Variants in TAF3 observed in about 807,000 individuals in gnomAD.
TAF3 encodes the protein TATA-box binding protein associated factor 3.
A neutral mutation model predicts 80.6 loss-of-function variants in TAF3; 7 were observed. That is an observed-to-expected ratio of 0.09 (90% CI 0.05 to 0.16). The LOEUF is 0.16. Ranked by LOEUF, TAF3 falls within the 10% of genes least tolerant of loss-of-function variation. The pLI is 1.00. For synonymous variants in TAF3, 444 were observed against 446.1 expected (o/e 1.00, Z 0.06); for missense variants, 921 against 1,140.2 (o/e 0.81, Z 2.77).
intron 2 of TAF3, among the ~76,000 whole-genome samples, chr10:7,915,223 G>C (rs1319417423): frequency 6.6e-6 from 1 of 151,296 alleles, no homozygotes; most frequent in Non-Finnish European, 1.5e-5. Flanking sequence ...TACGGGCAGG[G>C]CATGAGCCAC....
At chr10:7,857,009 C>A (rs1245894767) in intron 2 of TAF3, among the ~76,000 whole-genome samples, 3 of 152,130 alleles carry the variant, frequency 2.0e-5, no homozygotes, top group Non-Finnish European at 4.4e-5. Flanking sequence ...TCAGAGAATG[C>A]TTTTGTTAAT....
chr10:7,913,780 C>T (rs1588549839), intron 2 of TAF3, among the ~76,000 whole-genome samples: 1 of 152,162 alleles, frequency 6.6e-6, no homozygotes, highest in African/African-American at 2.4e-5. Context: ...AGGTATACTG[C>T]GTCACCTATA....
At chr10:7,839,449 C>T (rs1198686743) in intron 2 of TAF3, among the ~76,000 whole-genome samples, 2 of 152,112 alleles carry the variant, frequency 1.3e-5, no homozygotes, top group African/African-American at 2.4e-5. Flanking sequence ...GACTCCTGTT[C>T]TTAGGGAAAG....
At chr10:7,875,993 CTT>C (rs1390825257) in intron 2 of TAF3, among the ~76,000 whole-genome samples, 3 of 151,344 alleles carry the variant, frequency 2.0e-5, no homozygotes, top group African/African-American at 7.3e-5. Flanking sequence ...TTATTTTTCT[CTT>C]TAAGTTTTTT....
Position 7,965,033 on chromosome 10 carries a change from T to C in TAF3, c.1523T>C (p.Val508Ala). Residue 508 changes from valine (V) to alanine (A), a missense_variant, in exon 3 of 7, where the codon GTG becomes GCG. Val to Ala is a moderately conservative substitution (Grantham distance 64). Coordinates refer to ENST00000344293, the MANE Select transcript of TAF3 (RefSeq NM_031923.4). ...CCCACTCCCGAACCTCTCCACAAGGTGTATGAGGAGAAAACCAAGCTGCCT... is the reference window on the plus strand; with the variant it reads ...CCCACTCCCGAACCTCTCCACAAGGCGTATGAGGAGAAAACCAAGCTGCCT... ...SPPTPEPLHK[V>A]YEEKTKLPSS... The C allele has an allele frequency of 1.9e-6, 3 of 1,613,782 alleles. No individual in the cohort carries two copies. The highest frequency in any genetic ancestry group is 2.5e-6 in the Non-Finnish European group (3 of 1,179,996).
chr10:7,936,871 ATTT>A (rs999915257), intron 2 of TAF3, among the ~76,000 whole-genome samples: 1 of 147,752 alleles, frequency 6.8e-6, no homozygotes, highest in Non-Finnish European at 1.5e-5. Context: ...GCATCCATTG[ATTT>A]TTTTTTTTGG....
intron 2 of TAF3, among the ~76,000 whole-genome samples, chr10:7,844,886 A>G (rs1427282147): frequency 6.6e-6 from 1 of 152,118 alleles, no homozygotes; most frequent in Non-Finnish European, 1.5e-5. Flanking sequence ...TTAGTTACTT[A>G]GCCAATCGCT....
chr10:7,991,789 C>T (rs2131428755), intron 4 of TAF3, among the ~76,000 whole-genome samples: 1 of 152,150 alleles, frequency 6.6e-6, no homozygotes, highest in East Asian at 1.9e-4. Context: ...GACCTAGCAG[C>T]TTTTTTGAAT....
chr10:7,995,672 G>A (rs1013264137), intron 4 of TAF3, among the ~76,000 whole-genome samples: 1 of 152,110 alleles, frequency 6.6e-6, no homozygotes, highest in Non-Finnish European at 1.5e-5. Flanking sequence ...TTTCAAATAG[G>A]TCATGCCTGC....
chr10:7,941,239 C>CA (rs1392835154), intron 2 of TAF3, among the ~76,000 whole-genome samples: 1 of 152,180 alleles, frequency 6.6e-6, no homozygotes, highest in Non-Finnish European at 1.5e-5. Flanking sequence ...AATTTGCTGA[C>CA]AGGTAGAATG....
chr10:7,872,626 C>G (rs1837278201), intron 2 of TAF3, among the ~76,000 whole-genome samples: 1 of 152,100 alleles, frequency 6.6e-6, no homozygotes, highest in African/African-American at 2.4e-5. Context: ...TTCAGGTGCC[C>G]TGAATAATAA....
At chr10:7,963,093 A>G (rs1831526544) in intron 2 of TAF3, among the ~76,000 whole-genome samples, 1 of 152,170 alleles carries the variant, frequency 6.6e-6, no homozygotes, top group South Asian at 2.1e-4. Context: ...AACCAAGTGT[A>G]TTTCATTGCA....
intron 2 of TAF3, among the ~76,000 whole-genome samples, chr10:7,880,966 T>A (rs1430110240): frequency 2.0e-5 from 3 of 152,192 alleles, no homozygotes; most frequent in Non-Finnish European, 4.4e-5. Context: ...CCAAGCATGG[T>A]GGCTCATGCC....
intron 2 of TAF3, among the ~76,000 whole-genome samples, chr10:7,845,966 T>G (rs1019586990): frequency 2.5e-4 from 37 of 150,518 alleles, no homozygotes; most frequent in South Asian, 6.3e-4. Flanking sequence ...TTTGTTTTTT[T>G]TTTTTTTTTT....
At chr10:7,954,007 T>TA (rs1269335618) in intron 2 of TAF3, among the ~76,000 whole-genome samples, 1 of 141,960 alleles carries the variant, frequency 7.0e-6, no homozygotes, top group Non-Finnish European at 1.5e-5. Context: ...TAGTCCTAGT[T>TA]AACACAGAGC....
chr10:7,875,511 T>C (rs564072233), intron 2 of TAF3, among the ~76,000 whole-genome samples: 2 of 152,296 alleles, frequency 1.3e-5, no homozygotes, highest in East Asian at 3.9e-4. Flanking sequence ...TGTGGAAACC[T>C]CCACTGAAAA....
At chr10:7,997,683 G>T (rs1265300992) in intron 4 of TAF3, among the ~76,000 whole-genome samples, 1 of 152,214 alleles carries the variant, frequency 6.6e-6, no homozygotes, top group African/African-American at 2.4e-5. Flanking sequence ...GCAGCATGGA[G>T]CCATTGTGGG....
intron 2 of TAF3, among the ~76,000 whole-genome samples, chr10:7,955,113 GT>G (rs1838122992): frequency 6.6e-6 from 1 of 152,234 alleles, no homozygotes; most frequent in African/African-American, 2.4e-5. Context: ...CAAGGAACTG[GT>G]TACAATAAAT....
intron 2 of TAF3, among the ~76,000 whole-genome samples, chr10:7,835,713 C>T (rs1199261851): frequency 6.6e-6 from 1 of 152,220 alleles, no homozygotes. Context: ...GCCGGGCTTT[C>T]CAGCAGAGGC....
Sources: allele counts gnomAD v4.1 joint callset (sites outside exome capture counted in the v4.1 genomes callset), GRCh38; gene constraint gnomAD v4.1.1; transcripts MANE v1.5; gene names NCBI Gene and HGNC (gene_info 2026-07-23, HGNC 2026-07-21).